The following NLRP10 variants were observed in gnomAD, a reference collection of about 807,000 sequenced individuals.
NLRP10 encodes NACHT, LRR and PYD domains-containing protein 10.
A neutral mutation model predicts 8.2 loss-of-function variants in NLRP10; 7 were observed. The ratio of observed to expected loss-of-function variants is 0.85; its 90% CI spans 0.48 to 1.60. NLRP10 has a LOEUF of 1.60. Among genes scored for constraint, NLRP10 ranks in the 40% most tolerant of loss-of-function variants. The pLI is 0.00. For synonymous variants in NLRP10, 338 were observed against 314.0 expected, an observed-to-expected ratio of 1.08 and a Z score of -0.81; for missense variants, 814 against 776.3, an observed-to-expected ratio of 1.05 and a Z score of -0.58.
At chr11:7,963,150 G>C (rs1941761061) in intron 2 of NLRP10, 57 bp downstream of exon 2, 1 of 1,530,030 alleles carries the variant, frequency 6.5e-7, no homozygotes, top group Non-Finnish European at 8.9e-7. Flanking sequence ...GAAATGCCAT[G>C]GTGGGAGGGG....
chr11:7,961,091 G>T lies in NLRP10; in HGVS notation c.521C>A (p.Ser174Ter). 1 of 1,613,968 alleles carries T rather than the reference G, an allele frequency of 6.2e-7. No individual in the cohort carries two copies. Among genetic ancestry groups the T allele is most frequent in the Non-Finnish European group, 8.5e-7 (1 of 1,179,972 alleles). ...LAPSLVVLQG[S>*]AGTGKTTLAR... ...GAGAGTTGTCTTTCCAGTGCCAGCCGACCCCTGTAGCACAACTAAGGATGG... is the reference window on the plus strand; with the variant it reads ...GAGAGTTGTCTTTCCAGTGCCAGCCTACCCCTGTAGCACAACTAAGGATGG... The change falls in exon 3 of 3, where the codon TCG (serine) becomes TAG (stop). Residue 174 changes from serine (S) to a stop codon, truncating the protein, a stop_gained. Transcript: ENST00000691676. LOFTEE classifies it low-confidence loss of function (END_TRUNC).
In NLRP10 at chr11:7,960,540, A is replaced by C; in HGVS notation, c.1072T>G (p.Trp358Gly). 2 of 1,614,130 alleles carry C rather than the reference A, an allele frequency of 1.2e-6. No individual in the cohort carries two copies. The highest frequency in any genetic ancestry group is 1.3e-5 in the African/African-American group (1 of 75,014). ...YKACQVPGIC[W>G]VVCSWLQGQM... is the part of the protein sequence containing the mutation. The stretch of plus-strand genomic sequence containing the variant: ...CCCTGCAGCCAGGAGCAGACCACCC[A>C]GCAAATGCCTGGAACCTGACACGCT... Residue 358 changes from tryptophan to glycine, a missense_variant, in exon 3 of 3, where the codon TGG becomes GGG. Physicochemically the swap from Trp to Gly is radical, Grantham distance 184 (BLOSUM62 -2). Coordinates refer to ENST00000691676, the MANE Select transcript of NLRP10 (RefSeq NM_001391958.1).
At position 7,960,597 on chromosome 11, in the gene NLRP10, C is replaced by A. The variant is rs144864261; in HGVS notation, c.1015G>T (p.Asp339Tyr). 3.4e-5 allele frequency: 55 copies of A among 1,614,148 alleles called. No homozygotes were observed. The African/African-American group carries it at 3.6e-4, about 11-fold the overall frequency. ...TDEKQADRAF[D>Y]IVQKNDILYK... is the part of the protein sequence containing the mutation. ...AGAATGTCATTTTTCTGTACAATGT[C>A]GAAGGCACGGTCAGCTTGCTTCTCA... The change falls in exon 3 of 3, where the codon GAC (aspartate) becomes TAC (tyrosine). Residue 339 changes from aspartate to tyrosine, a missense_variant. By Grantham distance (160) the Asp-to-Tyr change is radical. Transcript: ENST00000691676.
intron 2 of NLRP10, among the ~76,000 whole-genome samples, chr11:7,962,231 C>CTTTTTTTGTTTTTTTTTTTT (rs1941743994): frequency 1.5e-5 from 1 of 66,994 alleles, no homozygotes; most frequent in East Asian, 5.6e-4. Flanking sequence ...TAAGCCTGTT[C>CTTTTTTTGTTTTTTTTTTTT]TTTTTTTTTT....
At chr11:7,964,408 T>C (rs1247340397) in intron 1 of NLRP10, among the ~76,000 whole-genome samples, 6 of 152,180 alleles carry the variant, frequency 3.9e-5, no homozygotes, top group Non-Finnish European at 8.8e-5. Context: ...GTCTCCTAAT[T>C]CAAATAAGGA....
In NLRP10 at chr11:7,958,807, T is replaced by A. The variant is rs1461293828; in HGVS notation, c.*837A>T. On this transcript the variant is annotated 3_prime_UTR_variant, in exon 3 of 3. Coordinates refer to ENST00000691676, the MANE Select transcript of NLRP10 (RefSeq NM_001391958.1). ...TCGTGATCCACCAGCCTGGGCCTCC[T>A]ACTCACTTTTTAAGTAGACTCTTTA... 6.6e-6 allele frequency among the ~76,000 whole-genome samples: 1 copy of A among 152,212 alleles called. No homozygotes were observed. Among genetic ancestry groups the A allele is most frequent in the Non-Finnish European group, 1.5e-5 (1 of 68,034 alleles).
intron 2 of NLRP10, 91 bp downstream of exon 2, chr11:7,963,116 A>C: frequency 7.9e-7 from 1 of 1,272,504 alleles, no homozygotes; most frequent in Non-Finnish European, 1.1e-6. Context: ...AGAAGGCATA[A>C]GGTACAGGCT....
At position 7,960,574 on chromosome 11, in the gene NLRP10, A is replaced by T; in HGVS notation, c.1038T>A (p.Ile346=). 1 of 1,614,032 alleles carries T rather than the reference A, an allele frequency of 6.2e-7. No individual in the cohort carries two copies. The highest frequency in any genetic ancestry group is 8.5e-7 in the Non-Finnish European group (1 of 1,180,012). ...CTGGAACCTGACACGCTTTGTAGAG[A>T]ATGTCATTTTTCTGTACAATGTCGA... ...RAFDIVQKND[I]LYKACQVPGI... Residue 346 remains isoleucine, a synonymous_variant, in exon 3 of 3, where the codon ATT becomes ATA. Coordinates refer to ENST00000691676, the MANE Select transcript of NLRP10 (RefSeq NM_001391958.1).
chr11:7,959,115 T>G lies in NLRP10; in HGVS notation c.*529A>C, dbSNP rs1408599819. 6.6e-6 allele frequency among the ~76,000 whole-genome samples: 1 copy of G among 152,228 alleles called. No individual in the cohort carries two copies. The highest frequency in any genetic ancestry group is 1.5e-5 in the Non-Finnish European group (1 of 68,040). On this transcript the variant is annotated 3_prime_UTR_variant, in exon 3 of 3. Transcript: ENST00000691676. ...AGTTTATATTAGTACTTTTGTATTT[T>G]ACATCTAGATTCATTTTTTTACATG...
rs574028083 is a variant in NLRP10, at chr11:7,962,093, C to T, written c.290-771G>A. On this transcript the variant is annotated intron_variant, in intron 2 of 2. Coordinates refer to ENST00000691676, the MANE Select transcript of NLRP10 (RefSeq NM_001391958.1). ...CATAACTGAAAGCTGCCTGAGGCCT[C>T]GCCAGAAGTCAATGTTGACAATATG... 2.1e-4 allele frequency among the ~76,000 whole-genome samples: 32 copies of T among 152,124 alleles called. 1 individual carries two copies. In the South Asian group the frequency reaches 4.1e-3, roughly 20 times the overall value.
At position 7,963,399 on chromosome 11, in the gene NLRP10, G is replaced by T; in HGVS notation, c.97C>A (p.Arg33=). Residue 33 remains arginine, a synonymous_variant, in exon 2 of 3, where the codon CGG becomes AGG. Transcript: ENST00000691676. ...TGGCCCTCAGACAGGGTCATATCCC[G>T]TAAGTAGAACTTTAACTTCTTGAAA... ...NDFKKLKFYL[R]DMTLSEGQPP... is the part of the protein sequence containing the mutation. 2 of 1,614,100 alleles carry T rather than the reference G, an allele frequency of 1.2e-6. No individual in the cohort carries two copies. Among genetic ancestry groups the T allele is most frequent in the Middle Eastern group, 1.7e-4 (1 of 6,058 alleles).
At chr11:7,964,703 G>C (rs891015254) in intron 1 of NLRP10, among the ~76,000 whole-genome samples, 1 of 152,214 alleles carries the variant, frequency 6.6e-6, no homozygotes, top group Non-Finnish European at 1.5e-5. Flanking sequence ...CAGAAAGTTA[G>C]GCTAAATGTT....
intron 1 of NLRP10, among the ~76,000 whole-genome samples, chr11:7,964,805 G>T (rs1166817009): frequency 6.6e-6 from 1 of 152,214 alleles, no homozygotes; most frequent in Non-Finnish European, 1.5e-5. Flanking sequence ...CAAAATGTAG[G>T]CCAGGTGGCA....
In NLRP10 at chr11:7,960,217, G is replaced by A. The variant is rs770658568; in HGVS notation, c.1395C>T (p.Arg465=). The change falls in exon 3 of 3, where the codon CGC becomes CGT. Residue 465 remains arginine, a synonymous_variant. Transcript: ENST00000691676. The stretch of plus-strand genomic sequence containing the variant: ...GAAAAAAGTCCTGGAAGCTGATGTG[G>A]CGGAAGCTGTAGAACTTCTTGATGG... ...GLAIKKFYSF[R]HISFQDFFHA... 23 of 1,614,024 alleles carry A rather than the reference G, an allele frequency of 1.4e-5. No individual in the cohort carries two copies. The highest frequency in any genetic ancestry group is 5.3e-5 in the African/African-American group (4 of 74,904).
chr11:7,961,970 A>G (rs889211636), intron 2 of NLRP10, among the ~76,000 whole-genome samples: 13 of 144,040 alleles, frequency 9.0e-5, no homozygotes, highest in Non-Finnish European at 1.7e-4. Flanking sequence ...TCTATTAGCT[A>G]CACAAGAGCT....
rs71452435 is a variant in NLRP10, at chr11:7,962,231, C to CTTTTTTTTTTTTTTTTTTTTTTTTTTT, written c.290-910_290-909insAAAAAAAAAAAAAAAAAAAAAAAAAAA. On this transcript the variant is annotated intron_variant, in intron 2 of 2. Coordinates refer to ENST00000691676, the MANE Select transcript of NLRP10 (RefSeq NM_001391958.1). ...CCAAAGGGACTAAGATAAGCCTGTT[C>CTTTTTTTTTTTTTTTTTTTTTTTTTTT]TTTTTTTTTTTTTTTTTTTTTTGAG... Among the ~76,000 whole-genome samples, 2 of 66,998 alleles carry CTTTTTTTTTTTTTTTTTTTTTTTTTTT rather than the reference C, an allele frequency of 3.0e-5. 1 individual carries two copies. The highest frequency in any genetic ancestry group is 1.1e-4 in the African/African-American group (2 of 17,826). 44.0% of individuals were successfully genotyped at this position (66,998 alleles called of 152,430 possible).
intron 2 of NLRP10, 92 bp from the exon 3 acceptor site, chr11:7,961,414 T>A: frequency 3.7e-6 from 3 of 805,406 alleles, no homozygotes; most frequent in Non-Finnish European, 4.0e-6. Context: ...TTAGTCTTCT[T>A]GTATGTCTCC....
intron 1 of NLRP10, among the ~76,000 whole-genome samples, 162 bp downstream of exon 1, chr11:7,965,084 G>T (rs1457660955): frequency 6.6e-6 from 1 of 152,218 alleles, no homozygotes. Flanking sequence ...TGGAAAAGCA[G>T]GCCTGTGAAA....
rs1339081567 is a variant in NLRP10, at chr11:7,958,296, C to G, written c.*1348G>C. ...TATGTTTAGCTTTGTAAGAAACTGC[C>G]AAACTGTCTTTCAAAGTGGCTGTAC... On this transcript the variant is annotated 3_prime_UTR_variant, in exon 3 of 3. Coordinates refer to ENST00000691676, the MANE Select transcript of NLRP10 (RefSeq NM_001391958.1). 6.6e-6 allele frequency among the ~76,000 whole-genome samples: 1 copy of G among 152,138 alleles called. No individual in the cohort carries two copies. Among genetic ancestry groups the G allele is most frequent in the Non-Finnish European group, 1.5e-5 (1 of 68,030 alleles).
Sources: allele counts gnomAD v4.1 joint callset (sites outside exome capture counted in the v4.1 genomes callset), GRCh38; gene constraint gnomAD v4.1.1; transcripts MANE v1.5; gene names NCBI Gene and HGNC (gene_info 2026-07-23, HGNC 2026-07-21).